Variants in GALNT13 observed in about 807,000 individuals in gnomAD.
GALNT13 encodes the protein polypeptide N-acetylgalactosaminyltransferase 13.
A neutral mutation model predicts 64.2 loss-of-function variants in GALNT13; 28 were observed. The observed-to-expected ratio is 0.44, with a 90% CI of 0.32 to 0.60. GALNT13 has a LOEUF of 0.60. Among genes scored for constraint, GALNT13 ranks in the 20% least tolerant of loss-of-function variants. The pLI is 0.05. For missense variants in GALNT13, 577 were observed against 669.8 expected, an observed-to-expected ratio of 0.86 and a Z score of 1.53; for synonymous variants, 214 against 224.6, an observed-to-expected ratio of 0.95 and a Z score of 0.42.
At chr2:153,452,345 G>T in the GALNT13 span, among the ~76,000 whole-genome samples, 1 of 152,122 alleles carries the variant, frequency 6.6e-6, no homozygotes, top group Non-Finnish European at 1.5e-5. Flanking sequence ...GCTGGTCGTG[G>T]TGGAGGGTGC....
the GALNT13 span, among the ~76,000 whole-genome samples, chr2:153,825,560 G>T: frequency 2.0e-5 from 3 of 151,608 alleles, no homozygotes; most frequent in Non-Finnish European, 4.4e-5. Context: ...TTTTAGGAAT[G>T]CAGGTATGAC....
chr2:153,579,854 G>A, the GALNT13 span, among the ~76,000 whole-genome samples: 1 of 152,024 alleles, frequency 6.6e-6, no homozygotes, highest in African/African-American at 2.4e-5. Flanking sequence ...GATGACCCGA[G>A]GTGGAATAGT....
chr2:153,125,176 A>T, the GALNT13 span, among the ~76,000 whole-genome samples: 2 of 152,262 alleles, frequency 1.3e-5, no homozygotes, highest in Non-Finnish European at 2.9e-5. Flanking sequence ...CCTGTATTTT[A>T]TATGGCAACC....
chr2:154,434,038 T>C (rs1700821867), intron 11 of GALNT13, among the ~76,000 whole-genome samples: 1 of 152,204 alleles, frequency 6.6e-6, no homozygotes, highest in African/African-American at 2.4e-5. Flanking sequence ...GAAGACCGTG[T>C]GAAGACACAT....
chr2:153,345,687 C>G, the GALNT13 span, among the ~76,000 whole-genome samples: 1 of 133,624 alleles, frequency 7.5e-6, no homozygotes, highest in South Asian at 2.4e-4. Flanking sequence ...TTCTTTCTTT[C>G]TTTCTTTCTT....
intron 11 of GALNT13, among the ~76,000 whole-genome samples, chr2:154,435,671 G>A (rs1021204069): frequency 6.6e-6 from 1 of 152,122 alleles, no homozygotes; most frequent in African/African-American, 2.4e-5. Context: ...AACATTGCTG[G>A]ACCCTTATAC....
At chr2:153,324,925 A>G in the GALNT13 span, among the ~76,000 whole-genome samples, 1 of 151,908 alleles carries the variant, frequency 6.6e-6, no homozygotes, top group African/African-American at 2.4e-5. Flanking sequence ...TTCATCAGGG[A>G]TATTGGCCTG....
At chr2:153,695,906 A>G in the GALNT13 span, among the ~76,000 whole-genome samples, 14 of 152,088 alleles carry the variant, frequency 9.2e-5, no homozygotes, top group African/African-American at 3.4e-4. Context: ...CACAGAAGAT[A>G]TGTTTTAAAA....
chr2:154,313,154 A>G (rs777818247), intron 9 of GALNT13, among the ~76,000 whole-genome samples: 29 of 151,016 alleles, frequency 1.9e-4, no homozygotes, highest in Non-Finnish European at 3.4e-4. Flanking sequence ...ATAGTTTCCA[A>G]CTATTTCTAA....
At chr2:153,523,043 ATT>A in the GALNT13 span, among the ~76,000 whole-genome samples, 9,015 of 82,944 alleles carry the variant, frequency 0.11, 172 homozygotes, top group Middle Eastern at 0.18. Flanking sequence ...TGTGTTTACT[ATT>A]TTTTTTTTTT....
intron 4 of GALNT13, among the ~76,000 whole-genome samples, chr2:154,207,805 A>G (rs757182786): frequency 2.0e-5 from 3 of 152,180 alleles, no homozygotes; most frequent in Non-Finnish European, 2.9e-5. Context: ...TTTATCATTC[A>G]GTTAGCTTAC....
At chr2:154,216,589 A>T (rs1688054074) in intron 4 of GALNT13, among the ~76,000 whole-genome samples, 1 of 152,076 alleles carries the variant, frequency 6.6e-6, no homozygotes, top group Non-Finnish European at 1.5e-5. Context: ...AATGAGATTA[A>T]ATCAAGATGG....
At chr2:154,386,571 G>A (rs995674120) in intron 9 of GALNT13, among the ~76,000 whole-genome samples, 3 of 151,948 alleles carry the variant, frequency 2.0e-5, no homozygotes, top group Admixed American at 2.0e-4. Flanking sequence ...TGGGACAATT[G>A]GACCAGTTTC....
intron 3 of GALNT13, among the ~76,000 whole-genome samples, chr2:154,071,284 T>C (rs926801271): frequency 2.6e-5 from 4 of 152,126 alleles, no homozygotes; most frequent in African/African-American, 9.7e-5. Context: ...GAGACTGATA[T>C]AGGGGGTTGA....
At chr2:153,498,409 C>T in the GALNT13 span, among the ~76,000 whole-genome samples, 1 of 152,212 alleles carries the variant, frequency 6.6e-6, no homozygotes, top group Non-Finnish European at 1.5e-5. Flanking sequence ...GGCCCAGATC[C>T]CATACTTGCC....
the GALNT13 span, among the ~76,000 whole-genome samples, chr2:153,635,441 C>CACATATATGTATATATATAT: frequency 7.7e-6 from 1 of 129,852 alleles, no homozygotes; most frequent in Non-Finnish European, 1.6e-5. Context: ...TATATATATA[C>CACATATATGTATATATATAT]ACACATATAT....
At chr2:153,331,388 G>A in the GALNT13 span, among the ~76,000 whole-genome samples, 1 of 152,024 alleles carries the variant, frequency 6.6e-6, no homozygotes, top group African/African-American at 2.4e-5. Context: ...TTCTTGATTG[G>A]TAGGTGTATT....
At chr2:153,456,168 A>C in the GALNT13 span, among the ~76,000 whole-genome samples, 1 of 152,172 alleles carries the variant, frequency 6.6e-6, no homozygotes, top group Non-Finnish European at 1.5e-5. Flanking sequence ...CAAGCAGGAA[A>C]ACAGGGATAT....
At chr2:153,848,023 G>A in the GALNT13 span, among the ~76,000 whole-genome samples, 5 of 152,212 alleles carry the variant, frequency 3.3e-5, no homozygotes, top group Admixed American at 1.3e-4. Context: ...GTCTGTTCCC[G>A]GGAGATGGAA....
Sources: allele counts gnomAD v4.1 joint callset (sites outside exome capture counted in the v4.1 genomes callset), GRCh38; gene constraint gnomAD v4.1.1; transcripts MANE v1.5; gene names NCBI Gene and HGNC (gene_info 2026-07-23, HGNC 2026-07-21).